MYO1C: variants seen among roughly 807,000 people sequenced by gnomAD.
MYO1C encodes myosin IC.
A neutral mutation model predicts 150.8 loss-of-function variants in MYO1C; 104 were observed. The observed-to-expected ratio is 0.69, with a 90% CI of 0.59 to 0.81. The LOEUF (loss-of-function observed/expected upper bound fraction) is 0.81, where lower values mean the gene tolerates loss of function less well. Among genes scored for constraint, MYO1C ranks in the 30% least tolerant of loss-of-function variants. The pLI is 0.00. For synonymous variants in MYO1C, 663 were observed against 579.9 expected (o/e 1.14, Z -2.06); for missense variants, 1,504 against 1,435.0 (o/e 1.05, Z -0.78).
chr17:1,469,892 G>T (rs948300911), intron 24 of MYO1C, among the ~76,000 whole-genome samples: 2 of 152,086 alleles, frequency 1.3e-5, no homozygotes, highest in Non-Finnish European at 2.9e-5. Context: ...AAAATTAGCC[G>T]GGCGTAGTGG....
intron 22 of MYO1C, 31 bp downstream of exon 22, chr17:1,470,590 G>A (rs758493081): frequency 4.7e-5 from 31 of 665,284 alleles, no homozygotes; most frequent in Middle Eastern, 2.8e-4. Flanking sequence ...CCCAGACCCC[G>A]CCCCTCCTGA....
chr17:1,477,626 T>A, intron 13 of MYO1C, 30 bp from the exon 14 acceptor site: 1 of 1,548,432 alleles, frequency 6.5e-7, no homozygotes, highest in Non-Finnish European at 8.9e-7. Context: ...GGGAAGGACG[T>A]ATGGGGGACA....
At chr17:1,485,966 A>T (rs1402276439) in intron 1 of MYO1C, 1 of 155,380 alleles carries the variant, frequency 6.4e-6, no homozygotes. Flanking sequence ...GCTCCGCCTG[A>T]GTCAGGTTTT....
At chr17:1,483,768 G>T in intron 2 of MYO1C, 43 bp from the exon 3 acceptor site, 1 of 1,470,116 alleles carries the variant, frequency 6.8e-7, no homozygotes, top group South Asian at 1.2e-5. Context: ...CCCGGGCCAG[G>T]TGCGATGGCT....
At chr17:1,488,690 A>T (rs577803910) in intron 1 of MYO1C, among the ~76,000 whole-genome samples, 1 of 152,160 alleles carries the variant, frequency 6.6e-6, no homozygotes, top group African/African-American at 2.4e-5. Context: ...CTTCAGTGAC[A>T]CCGTTCAGGC....
chr17:1,472,341 G>A lies in MYO1C; in HGVS notation c.1798-113C>T. 3.4e-6 allele frequency: 3 copies of A among 893,186 alleles called. No homozygotes were observed. The South Asian group carries it at 4.5e-5, about 13-fold the overall frequency. The allele number at this position is 893,186 out of a possible 1,614,324, so 55.3% of individuals were successfully genotyped here. On this transcript the variant is annotated intron_variant, in intron 17 of 31. Coordinates refer to ENST00000648651, the MANE Select transcript of MYO1C (RefSeq NM_001080779.2). ...GACGCGCGCAGCAGCCTCTGATTCT[G>A]CCTGGTCCTTACTCCTCCCACCACA... is the stretch of plus-strand genomic sequence containing the variant.
Position 1,479,415 on chromosome 17 carries a change from A to G in MYO1C, c.1092+16T>C, listed in dbSNP as rs1044018575. 4.0e-6 allele frequency: 5 copies of G among 1,242,728 alleles called. No individual in the cohort carries two copies. The Admixed American group carries it at 9.8e-5, about 24-fold the overall frequency. The allele number at this position is 1,242,728 out of a possible 1,614,324, so 77.0% of individuals were successfully genotyped here. ...CAGCTGCCCCTCCACACCCGAGGGCAAGGGCCCGGCCTCACCTCCTCCCCC... is the reference window on the plus strand; with the variant it reads ...CAGCTGCCCCTCCACACCCGAGGGCGAGGGCCCGGCCTCACCTCCTCCCCC... On this transcript the variant is annotated intron_variant, in intron 9 of 31. Transcript: ENST00000648651. The surrounding 1 kb of genome is among the most constrained non-coding windows in gnomAD (Gnocchi z 4.2).
chr17:1,490,300 A>T (rs948699826), intron 1 of MYO1C, among the ~76,000 whole-genome samples: 1 of 150,640 alleles, frequency 6.6e-6, no homozygotes, highest in South Asian at 2.1e-4. Flanking sequence ...GATTGAGACC[A>T]TCCTGGCTAA....
chr17:1,470,373 C>T (rs1180004928), intron 23 of MYO1C, 39 bp from the exon 24 acceptor site: 2 of 1,538,418 alleles, frequency 1.3e-6, no homozygotes, highest in Admixed American at 2.0e-5. Flanking sequence ...GGTGAGGGGC[C>T]TGGCGGTGAA....
chr17:1,483,024 C>G lies in MYO1C; in HGVS notation c.383G>C (p.Arg128Pro). 6.2e-7 allele frequency: 1 copy of G among 1,611,458 alleles called. No homozygotes were observed. The highest frequency in any genetic ancestry group is 8.5e-7 in the Non-Finnish European group (1 of 1,179,776). Reference sequence around the variant, plus strand: ...CACAGCCTGGTCCCGACGCTCCGTGCGCAGTGCTCGGTACACAGTGTCCGC... The same window carrying G: ...CACAGCCTGGTCCCGACGCTCCGTGGGCAGTGCTCGGTACACAGTGTCCGC... ...AVADTVYRALRTERRDQAVMI... is the reference protein window; with the variant it reads ...AVADTVYRALPTERRDQAVMI... Residue 128 changes from arginine (R) to proline (P), a missense_variant, in exon 4 of 32, where the codon CGC (arginine) becomes CCC (proline). Transcript: ENST00000648651.
Position 1,478,776 on chromosome 17 carries a change from G to T in MYO1C, c.1093-41C>A. The stretch of plus-strand genomic sequence containing the variant: ...GAGACAAGGAGATGAATGCCACAGA[G>T]CCTGTGCATCCCACCTGCTCCCAGG... On this transcript the variant is annotated intron_variant, in intron 9 of 31. Transcript: ENST00000648651. This position sits in a 1 kb window ranked among gnomAD's most constrained non-coding sequence, Gnocchi z 6.3. The T allele has an allele frequency of 6.2e-7, 1 of 1,610,200 alleles. No individual in the cohort carries two copies. The highest frequency in any genetic ancestry group is 8.5e-7 in the Non-Finnish European group (1 of 1,179,952).
In MYO1C at chr17:1,470,331, G is replaced by A. The variant is rs1320058856; in HGVS notation, c.2370C>T (p.Leu790=). 7 of 1,536,414 alleles carry A rather than the reference G, an allele frequency of 4.6e-6. No individual in the cohort carries two copies. The highest frequency in any genetic ancestry group is 6.2e-6 in the Non-Finnish European group (7 of 1,134,992). The stretch of plus-strand genomic sequence containing the variant: ...CGTGGCGCAGGACGAAGCCTCGGAT[G>A]AGCCTGGGGTGGGGGGCCAGACAGG... ...RKWAAQTIRR[L]IRGFVLRHAP... is the part of the protein sequence containing the mutation. Residue 790 remains leucine, a synonymous_variant, in exon 24 of 32, where the codon CTC becomes CTT. Transcript: ENST00000648651.
At chr17:1,469,185 C>G in intron 25 of MYO1C, 5 of 377,228 alleles carry the variant, frequency 1.3e-5, no homozygotes, top group South Asian at 8.5e-5. Flanking sequence ...GGGGTAAATA[C>G]GGTAGGCGGG....
intron 31 of MYO1C, among the ~76,000 whole-genome samples, chr17:1,466,184 G>T (rs1330404445): frequency 1.5e-5 from 2 of 132,220 alleles, no homozygotes; most frequent in Non-Finnish European, 3.2e-5. Flanking sequence ...TTTGAGACAG[G>T]GTCTCATTTT....
At chr17:1,483,782 G>A (rs1193421994) in intron 2 of MYO1C, 57 bp from the exon 3 acceptor site, 2 of 1,375,488 alleles carry the variant, frequency 1.5e-6, no homozygotes, top group African/African-American at 1.4e-5. Context: ...GATGGCTCAT[G>A]CCTGTAATCC....
chr17:1,474,558 C>T, intron 17 of MYO1C, 52 bp downstream of exon 17: 1 of 1,577,496 alleles, frequency 6.3e-7, no homozygotes, highest in Non-Finnish European at 8.7e-7. Flanking sequence ...CACAGGCCCT[C>T]ATGCACACTC....
Position 1,492,444 on chromosome 17 carries a change from C to A in MYO1C, c.44G>T (p.Arg15Leu). Residue 15 changes from arginine to leucine, a missense_variant, in exon 1 of 32, where the codon CGC (arginine) becomes CTC (leucine). Coordinates refer to ENST00000648651, the MANE Select transcript of MYO1C (RefSeq NM_001080779.2). Reference protein sequence around the residue: ...VELVPTGEIIRVVHPHRPCKL... With the variant: ...VELVPTGEIILVVHPHRPCKL... ...GCAGGGCCTGTGGGGATGAACCACG[C>A]GGATGATCTCCCCGGTGGGTACCAG... The A allele has an allele frequency of 6.2e-7, 1 of 1,607,842 alleles. No homozygotes were observed. Among genetic ancestry groups the A allele is most frequent in the Non-Finnish European group, 8.5e-7 (1 of 1,177,534 alleles).
At position 1,471,263 on chromosome 17, in the gene MYO1C, G is replaced by C. The variant is rs140238692; in HGVS notation, c.2095C>G (p.Arg699Gly). The C allele has an allele frequency of 1.2e-6, 2 of 1,613,876 alleles. No individual in the cohort carries two copies. The highest frequency in any genetic ancestry group is 2.2e-5 in the South Asian group (2 of 91,062). Residue 699 changes from arginine to glycine, a missense_variant, in exon 20 of 32, where the codon CGA becomes GGA. Physicochemically the swap from Arg to Gly is moderately radical, Grantham distance 125 (BLOSUM62 -2). Transcript: ENST00000648651. The stretch of plus-strand genomic sequence containing the variant: ...TCTTCTGGCTTGTAGCCCAGGTGTC[G>C]GACCAGCACAGCCACCCCATCCTGC... Reference protein sequence around the residue: ...RPQDGVAVLVRHLGYKPEEYK... With the variant: ...RPQDGVAVLVGHLGYKPEEYK...
intron 21 of MYO1C, 72 bp downstream of exon 21, chr17:1,470,999 A>G: frequency 6.7e-7 from 1 of 1,491,894 alleles, no homozygotes; most frequent in African/African-American, 1.4e-5. Flanking sequence ...CTGGAGAAGG[A>G]GCCCAAGGGA....
Sources: gnomAD v4.1 joint callset for allele counts (sites outside exome capture counted in the v4.1 genomes callset) on GRCh38, gnomAD v4.1.1 for gene constraint, Gnocchi (gnomAD v3.1) non-coding constraint, MANE v1.5 for transcripts, NCBI Gene and HGNC (gene_info 2026-07-23, HGNC 2026-07-21) for gene names.